ADA2: variants seen among roughly 807,000 people sequenced by gnomAD.
The protein encoded by ADA2 is adenosine deaminase CECR1.
In ADA2, 29 loss-of-function variants were observed where a neutral mutation model predicts 44.2. The observed-to-expected ratio is 0.66, with a 90% CI of 0.49 to 0.89. ADA2 has a LOEUF of 0.89. ADA2 is among the 40% of genes least tolerant of loss of function. The probability of loss-of-function intolerance (pLI) is 0.00; values close to 1 mark genes in which losing one functional copy is unlikely to be tolerated. For missense variants in ADA2, 637 were observed against 644.8 expected (o/e 0.99, Z 0.13); for synonymous variants, 215 against 234.9 (o/e 0.92, Z 0.77).
chr22:17,182,525 TATACAGCAA>T, intron 8 of ADA2, 70 bp downstream of exon 8: 1 of 1,399,132 alleles, frequency 7.1e-7, no homozygotes, highest in Non-Finnish European at 1.0e-6. Flanking sequence ...AGAGATAAGT[TATACAGCAA>T]AAAGTTTAAG....
At chr22:17,199,012 G>A (rs1311045641) in intron 4 of ADA2, among the ~76,000 whole-genome samples, 1 of 152,186 alleles carries the variant, frequency 6.6e-6, no homozygotes, top group Non-Finnish European at 1.5e-5. Context: ...TTGTTAATGT[G>A]TTGGTGGCCC....
rs1601459363 is a variant in ADA2, at chr22:17,207,278, T to G, written c.335A>C (p.His112Pro). 4.4e-6 allele frequency: 7 copies of G among 1,605,350 alleles called. No homozygotes were observed. Among genetic ancestry groups the G allele is most frequent in the Non-Finnish European group, 6.0e-6 (7 of 1,173,118 alleles). ...LRMMPKGAALHLHDIGIVTMD... is the reference protein window; with the variant it reads ...LRMMPKGAALPLHDIGIVTMD... ...AGTCACGATGCCAATGTCATGGAGGTGCAAGGCAGCCCCTGGAGAGGGAAG... is the reference window on the plus strand; with the variant it reads ...AGTCACGATGCCAATGTCATGGAGGGGCAAGGCAGCCCCTGGAGAGGGAAG... Residue 112 changes from histidine to proline, a missense_variant, in exon 3 of 10, where the codon CAC becomes CCC. By Grantham distance (77) the His-to-Pro change is moderately conservative. Coordinates refer to ENST00000399837, the MANE Select transcript of ADA2 (RefSeq NM_001282225.2).
intron 4 of ADA2, among the ~76,000 whole-genome samples, chr22:17,202,349 C>T (rs192220619): frequency 2.3e-3 from 352 of 152,272 alleles, no homozygotes; most frequent in Non-Finnish European, 3.5e-3. Flanking sequence ...AGGATGGTCT[C>T]GATCTCGACC....
chr22:17,220,706 C>T (rs1308893252), upstream of ADA2, among the ~76,000 whole-genome samples: 1 of 152,114 alleles, frequency 6.6e-6, no homozygotes, highest in Admixed American at 6.5e-5. Flanking sequence ...CCCCCAAGAC[C>T]CCAAATCTAC....
chr22:17,199,442 C>CCCCTCCCACCCCTCCTCTATCCTCTTA, intron 4 of ADA2: 1 of 1,022,720 alleles, frequency 9.8e-7, no homozygotes. Flanking sequence ...CTATCCTCTT[C>CCCCTCCCACCCCTCCTCTATCCTCTTA]CCCTCCACCC....
In ADA2 at chr22:17,179,528, G is replaced by GGCGAGC. The variant is rs2061945535; in HGVS notation, c.*1954_*1955insGCTCGC. 1 of 152,286 alleles carries GGCGAGC rather than the reference G, an allele frequency of 6.6e-6. No homozygotes were observed. Among genetic ancestry groups the GGCGAGC allele is most frequent in the South Asian group, 2.1e-4 (1 of 4,830 alleles). The allele number at this position is 152,286 out of a possible 1,614,324, so 9.4% of individuals were successfully genotyped here. On this transcript the variant is annotated 3_prime_UTR_variant, in exon 10 of 10. Transcript: ENST00000399837. ...CCTGAGAGAAACAGGGCGAGCACAG[G>GGCGAGC]AAAACCTCTCTGAGACAGTGACATG...
intron 4 of ADA2, among the ~76,000 whole-genome samples, chr22:17,202,421 G>T: frequency 6.6e-6 from 1 of 152,014 alleles, no homozygotes; most frequent in Non-Finnish European, 1.5e-5. Context: ...CACCTCGCCC[G>T]GCCAACAGCT....
At chr22:17,211,597 C>A (rs2062418847) in intron 1 of ADA2, among the ~76,000 whole-genome samples, 1 of 152,058 alleles carries the variant, frequency 6.6e-6, no homozygotes, top group Non-Finnish European at 1.5e-5. Flanking sequence ...TGCGCCACTG[C>A]AATCCAACCT....
chr22:17,206,944 G>A (rs185341625), intron 3 of ADA2, 127 bp downstream of exon 3: 50 of 690,840 alleles, frequency 7.2e-5, no homozygotes, highest in East Asian at 6.8e-4. Flanking sequence ...GTGAACCACC[G>A]CACTCAGCCT....
chr22:17,209,922 G>A (rs1218216821), intron 1 of ADA2, 199 bp from the exon 2 acceptor site: 9 of 469,252 alleles, frequency 1.9e-5, no homozygotes, highest in Admixed American at 4.2e-5. Flanking sequence ...ACGGAGTCTC[G>A]CTCTGCTGCC....
At chr22:17,207,770 C>A (rs1182922141) in intron 2 of ADA2, among the ~76,000 whole-genome samples, 1 of 152,114 alleles carries the variant, frequency 6.6e-6, no homozygotes, top group Non-Finnish European at 1.5e-5. Context: ...ACGGGATACA[C>A]TGGGATGAGC....
At chr22:17,211,887 C>T (rs2062422307) in intron 1 of ADA2, among the ~76,000 whole-genome samples, 1 of 151,782 alleles carries the variant, frequency 6.6e-6, no homozygotes, top group Non-Finnish European at 1.5e-5. Flanking sequence ...AAGATCGTGC[C>T]ACTGCACTCC....
At chr22:17,212,284 C>T (rs1325711707) in intron 1 of ADA2, among the ~76,000 whole-genome samples, 5 of 152,046 alleles carry the variant, frequency 3.3e-5, no homozygotes, top group African/African-American at 7.2e-5. Context: ...GACTCGGACT[C>T]CTAAAGTACT....
chr22:17,202,722 G>A (rs2062304685), intron 4 of ADA2, among the ~76,000 whole-genome samples: 1 of 151,670 alleles, frequency 6.6e-6, no homozygotes, highest in Non-Finnish European at 1.5e-5. Context: ...AGCCAAACCT[G>A]GCTCCAATTC....
rs28876081 is a variant in ADA2, at chr22:17,211,705, G to A, written c.-46-1982C>T. 2.8e-3 allele frequency among the ~76,000 whole-genome samples: 425 copies of A among 152,050 alleles called. 2 individuals carry two copies. The highest frequency in any genetic ancestry group is 9.6e-3 in the African/African-American group (398 of 41,500). ...AGCACTTTGGGAGGCTGAGGTGGAC[G>A]GATCACGAGGTCAAGAGATCGAGAG... On this transcript the variant is annotated intron_variant, in intron 1 of 9. Coordinates refer to ENST00000399837, the MANE Select transcript of ADA2 (RefSeq NM_001282225.2).
In ADA2 at chr22:17,209,471, A is replaced by G. The variant is rs1185808191; in HGVS notation, c.207T>C (p.Ala69=). The G allele has an allele frequency of 1.9e-6, 3 of 1,613,866 alleles. No individual in the cohort carries two copies. The highest frequency in any genetic ancestry group is 2.5e-6 in the Non-Finnish European group (3 of 1,180,012). The part of the protein sequence containing the change: ...ANERLMTLKI[A]EMKEAMRTLI... ...GGGTCCTCATGGCCTCCTTCATCTC[A>G]GCGATTTTGAGCGTCATGAGCCTCT... Residue 69 remains alanine (A), a synonymous_variant, in exon 2 of 10, where the codon GCT becomes GCC. Transcript: ENST00000399837.
chr22:17,204,545 G>C lies in ADA2; in HGVS notation c.543-772C>G, dbSNP rs557438267. On this transcript the variant is annotated intron_variant, in intron 3 of 9. Coordinates refer to ENST00000399837, the MANE Select transcript of ADA2 (RefSeq NM_001282225.2). ...GAATTGTTTGAACCCTGGAAGTGGA[G>C]GTTGTAGTGAGCTGAGATCGCACCA... 2.0e-5 allele frequency among the ~76,000 whole-genome samples: 3 copies of C among 152,178 alleles called. No homozygotes were observed. The South Asian group carries it at 6.2e-4, about 32-fold the overall frequency.
rs748240651 is a variant in ADA2 at position 17,188,323 on chromosome 22, C to A, written c.1081+16G>T. 182 of 1,595,746 alleles carry A rather than the reference C, an allele frequency of 1.1e-4. No individual in the cohort carries two copies. In the African/African-American group the frequency reaches 2.0e-3, roughly 17 times the overall value. ...TGACCACCTCCGCTGCCTCTGCTCG[C>A]ATCCCGCAGGCTCACCTGTTTCTCC... On this transcript the variant is annotated intron_variant, in intron 7 of 9. Transcript: ENST00000399837.
At chr22:17,188,005 G>A (rs1478421373) in intron 7 of ADA2, among the ~76,000 whole-genome samples, 3 of 151,896 alleles carry the variant, frequency 2.0e-5, no homozygotes, top group Non-Finnish European at 4.4e-5. Context: ...TTGGAAGGCT[G>A]AGGCAGGAGA....
Sources: allele counts gnomAD v4.1 joint callset (sites outside exome capture counted in the v4.1 genomes callset), GRCh38; gene constraint gnomAD v4.1.1; transcripts MANE v1.5; gene names NCBI Gene and HGNC (gene_info 2026-07-23, HGNC 2026-07-21).